Variants in PARD3B observed in about 807,000 individuals in gnomAD.
PARD3B encodes the protein partitioning defective 3 homolog B.
A neutral mutation model predicts 130.2 loss-of-function variants in PARD3B; 103 were observed. That is an observed-to-expected ratio of 0.79 (90% CI 0.67 to 0.93). The LOEUF (loss-of-function observed/expected upper bound fraction) is 0.93, where lower values mean the gene tolerates loss of function less well. Among genes scored for constraint, PARD3B ranks in the 40% least tolerant of loss-of-function variants. The pLI, the probability that PARD3B is intolerant of heterozygous loss-of-function variation, is 0.00. For synonymous variants in PARD3B, 583 were observed against 553.2 expected, an observed-to-expected ratio of 1.05 and a Z score of -0.76; for missense variants, 1,609 against 1,499.2, an observed-to-expected ratio of 1.07 and a Z score of -1.21.
chr2:205,073,273 G>A lies in PARD3B; in HGVS notation c.504+25583G>A, dbSNP rs73057133. Among the ~76,000 whole-genome samples the A allele has an allele frequency of 6.0e-3, 910 of 152,196 alleles. 15 individuals carry two copies. Among genetic ancestry groups the A allele is most frequent in the African/African-American group, 0.021 (860 of 41,510 alleles). On this transcript the variant is annotated intron_variant, in intron 4 of 22. Transcript: ENST00000406610. ...AACAGCAGTTTTCCTGTAAATCAGG[G>A]TGTGTTTTAAAAATCACCATCCCTT...
At chr2:205,476,353 A>C (rs1396395117) in intron 20 of PARD3B, among the ~76,000 whole-genome samples, 2 of 151,588 alleles carry the variant, frequency 1.3e-5, no homozygotes, top group Admixed American at 6.6e-5. Flanking sequence ...CCTTTTTTTC[A>C]TTTTTTTCTT....
chr2:205,607,649 A>G (rs879720691), intron 22 of PARD3B, among the ~76,000 whole-genome samples: 1 of 152,200 alleles, frequency 6.6e-6, no homozygotes, highest in Non-Finnish European at 1.5e-5. Flanking sequence ...CAGCAGGCTT[A>G]TGAATCTTTG....
chr2:205,227,988 G>T (rs1188188425), intron 15 of PARD3B, among the ~76,000 whole-genome samples: 2 of 152,000 alleles, frequency 1.3e-5, no homozygotes, highest in Non-Finnish European at 2.9e-5. Context: ...TGAAAATTCT[G>T]CACTTTAACT....
chr2:205,605,412 T>C (rs1005775027), intron 22 of PARD3B, among the ~76,000 whole-genome samples: 6 of 152,200 alleles, frequency 3.9e-5, no homozygotes, highest in African/African-American at 1.4e-4. Flanking sequence ...GGTTTTTTGT[T>C]GGTAGTGGTG....
At chr2:205,077,174 G>A (rs2125501440) in intron 4 of PARD3B, among the ~76,000 whole-genome samples, 1 of 152,228 alleles carries the variant, frequency 6.6e-6, no homozygotes, top group South Asian at 2.1e-4. Flanking sequence ...AGAGAGGGAG[G>A]GAGGGAGGAG....
At chr2:205,156,280 G>T (rs1374373273) in intron 10 of PARD3B, among the ~76,000 whole-genome samples, 2 of 133,820 alleles carry the variant, frequency 1.5e-5, no homozygotes, top group African/African-American at 2.7e-5. Flanking sequence ...GCGGGGGGGG[G>T]AGGAATAGCA....
At chr2:205,383,617 A>G (rs79665117) in intron 18 of PARD3B, among the ~76,000 whole-genome samples, 4,900 of 152,136 alleles carry the variant, frequency 0.032, 122 homozygotes, top group Non-Finnish European at 0.047. Flanking sequence ...TTTAATGTAC[A>G]TACGGTGAAA....
At chr2:205,519,334 C>T (rs1233299225) in intron 21 of PARD3B, among the ~76,000 whole-genome samples, 1 of 152,180 alleles carries the variant, frequency 6.6e-6, no homozygotes, top group Non-Finnish European at 1.5e-5. Flanking sequence ...AGTCTTCAAG[C>T]TCTGAGATTC....
intron 1 of PARD3B, among the ~76,000 whole-genome samples, chr2:204,633,258 A>G (rs1188862460): frequency 6.6e-6 from 1 of 152,168 alleles, no homozygotes; most frequent in Non-Finnish European, 1.5e-5. Context: ...ATATCTATGT[A>G]CCCTATATAC....
Position 204,906,958 on chromosome 2 carries a change from G to T in PARD3B, c.223-58194G>T, listed in dbSNP as rs2047060485. Among the ~76,000 whole-genome samples the T allele has an allele frequency of 6.6e-6, 1 of 152,074 alleles. No homozygotes were observed. Among genetic ancestry groups the T allele is most frequent in the Non-Finnish European group, 1.5e-5 (1 of 68,002 alleles). ...ATTAAAAAGTAGAAGCAAAGATGCT[G>T]ATTTTTAAGTGGAAAACATGAAAGC... On this transcript the variant is annotated intron_variant, in intron 2 of 22. Transcript: ENST00000406610. The surrounding 1 kb of genome is among the most constrained non-coding windows in gnomAD (Gnocchi z 4.3).
chr2:205,148,329 T>C (rs2033513494), intron 10 of PARD3B, among the ~76,000 whole-genome samples: 1 of 152,188 alleles, frequency 6.6e-6, no homozygotes, highest in South Asian at 2.1e-4. Flanking sequence ...CTTTGACATG[T>C]GCCTGCTCAT....
intron 2 of PARD3B, among the ~76,000 whole-genome samples, chr2:204,734,110 A>C (rs762493250): frequency 6.6e-6 from 1 of 152,200 alleles, no homozygotes; most frequent in African/African-American, 2.4e-5. Flanking sequence ...ACTGGGGTCC[A>C]ATATTTAAAT....
chr2:205,497,427 A>ACT lies in PARD3B; in HGVS notation c.3045-2469_3045-2468insCT, dbSNP rs768131477. Among the ~76,000 whole-genome samples the ACT allele has an allele frequency of 3.2e-5, 4 of 123,706 alleles. No homozygotes were observed. In the East Asian group the frequency reaches 9.5e-4, roughly 29 times the overall value. The allele number at this position is 123,706 out of a possible 152,430, so 81.2% of individuals were successfully genotyped here. The stretch of plus-strand genomic sequence containing the variant: ...TTCCTCCAAAAGGTGTTTACTCACC[A>ACT]TTTTTTTTTTTTTTTTTTTTGTAAT... On this transcript the variant is annotated intron_variant, in intron 20 of 22. Transcript: ENST00000406610.
chr2:204,875,087 C>A (rs1040723801), intron 2 of PARD3B, among the ~76,000 whole-genome samples: 14 of 152,030 alleles, frequency 9.2e-5, no homozygotes, highest in Non-Finnish European at 1.9e-4. Flanking sequence ...TCAAGGTTTT[C>A]AACAATTTTA....
chr2:205,338,152 CAAA>C (rs1159561152), intron 18 of PARD3B, among the ~76,000 whole-genome samples: 2,299 of 19,768 alleles, frequency 0.12, 7 homozygotes, highest in Non-Finnish European at 0.16. Flanking sequence ...GACTCCATCT[CAAA>C]AAAAAAAAAA....
intron 10 of PARD3B, among the ~76,000 whole-genome samples, chr2:205,149,330 G>A (rs561191304): frequency 2.6e-5 from 4 of 152,032 alleles, no homozygotes; most frequent in African/African-American, 7.2e-5. Context: ...TCCCCGCCTC[G>A]GCTTCTGAAA....
intron 2 of PARD3B, among the ~76,000 whole-genome samples, chr2:204,908,618 G>A (rs900925227): frequency 6.6e-6 from 1 of 152,116 alleles, no homozygotes; most frequent in Non-Finnish European, 1.5e-5. Context: ...AAGAATACAC[G>A]AGACTGAAAT....
chr2:205,234,736 AT>A (rs541745011), intron 15 of PARD3B, among the ~76,000 whole-genome samples: 236 of 152,086 alleles, frequency 1.6e-3, no homozygotes, highest in Non-Finnish European at 3.2e-3. Context: ...CTGAATACAC[AT>A]TTTTTTTCAA....
chr2:204,897,263 T>G (rs187150670), intron 2 of PARD3B, among the ~76,000 whole-genome samples: 74 of 152,218 alleles, frequency 4.9e-4, no homozygotes, highest in South Asian at 6.2e-4. Context: ...CATTTAGACC[T>G]TAGTAAAATT....
Sources: allele counts gnomAD v4.1 joint callset (sites outside exome capture counted in the v4.1 genomes callset), GRCh38; gene constraint gnomAD v4.1.1; non-coding constraint Gnocchi (gnomAD v3.1); transcripts MANE v1.5; gene names NCBI Gene and HGNC (gene_info 2026-07-23, HGNC 2026-07-21).